The following SOX6 variants were observed in gnomAD, a reference collection of about 807,000 sequenced individuals.
SOX6 encodes SRY-box transcription factor 6.
In SOX6, 11 loss-of-function variants were observed where a neutral mutation model predicts 97.8. The observed-to-expected ratio is 0.11, with a 90% CI of 0.07 to 0.19. The LOEUF (loss-of-function observed/expected upper bound fraction) is 0.19. Ranked by LOEUF, SOX6 falls within the 10% of genes least tolerant of loss-of-function variation. The pLI is 1.00. For missense variants in SOX6, 810 were observed against 1,039.5 expected (o/e 0.78, Z 3.04); for synonymous variants, 360 against 371.4 (o/e 0.97, Z 0.35).
chr11:16,608,483 T>A (rs1357699932), intron 4 of SOX6, among the ~76,000 whole-genome samples: 3 of 147,238 alleles, frequency 2.0e-5, no homozygotes, highest in Non-Finnish European at 4.5e-5. Flanking sequence ...AAAGAAGTAG[T>A]CAAAAGAGAG....
intron 2 of SOX6, among the ~76,000 whole-genome samples, chr11:16,331,038 C>CA (rs1213494053): frequency 4.6e-5 from 7 of 152,174 alleles, no homozygotes; most frequent in South Asian, 2.1e-4. Context: ...TTACAGAGCA[C>CA]ATTTCTATGC....
intron 9 of SOX6, among the ~76,000 whole-genome samples, chr11:16,078,540 A>G (rs1350786641): frequency 6.6e-6 from 1 of 152,184 alleles, no homozygotes; most frequent in Admixed American, 6.5e-5. Flanking sequence ...CAGTCATTCA[A>G]TCAAATATTA....
At chr11:16,600,803 G>T (rs774242764) in intron 4 of SOX6, among the ~76,000 whole-genome samples, 6 of 152,160 alleles carry the variant, frequency 3.9e-5, no homozygotes, top group Admixed American at 6.5e-5. Flanking sequence ...ATGAAAGGAT[G>T]GGAGAGTTTC....
chr11:16,241,682 C>T (rs960338185), intron 3 of SOX6, among the ~76,000 whole-genome samples: 11 of 151,988 alleles, frequency 7.2e-5, no homozygotes, highest in South Asian at 4.2e-4. Flanking sequence ...CACACAAAGA[C>T]AAATTCAATC....
intron 9 of SOX6, among the ~76,000 whole-genome samples, chr11:16,059,638 T>C (rs1432563905): frequency 1.3e-5 from 2 of 152,006 alleles, no homozygotes; most frequent in South Asian, 4.1e-4. Context: ...ATTTTTCTAA[T>C]ATAACAAGCC....
chr11:16,596,871 C>G (rs1306898726), intron 4 of SOX6, among the ~76,000 whole-genome samples: 1 of 152,088 alleles, frequency 6.6e-6, no homozygotes, highest in Non-Finnish European at 1.5e-5. Context: ...TGCTTCTGAT[C>G]AGCATGGTAT....
intron 3 of SOX6, among the ~76,000 whole-genome samples, chr11:16,647,888 C>T (rs894794834): frequency 2.0e-5 from 3 of 152,158 alleles, no homozygotes; most frequent in Non-Finnish European, 4.4e-5. Flanking sequence ...GAAGCCATCC[C>T]TGACTATATC....
At chr11:16,362,986 G>T (rs1337795198) in intron 1 of SOX6, among the ~76,000 whole-genome samples, 1 of 152,088 alleles carries the variant, frequency 6.6e-6, no homozygotes, top group East Asian at 1.9e-4. Context: ...TCCAGATATG[G>T]TCTCACTGTT....
At chr11:16,513,318 G>T (rs1209628409) in intron 4 of SOX6, among the ~76,000 whole-genome samples, 1 of 150,756 alleles carries the variant, frequency 6.6e-6, no homozygotes, top group East Asian at 1.9e-4. Flanking sequence ...CAAAAGAGAG[G>T]GACACAGGGG....
chr11:16,200,875 G>A (rs1426351079), intron 4 of SOX6, among the ~76,000 whole-genome samples: 1 of 152,138 alleles, frequency 6.6e-6, no homozygotes, highest in Non-Finnish European at 1.5e-5. Context: ...GGAGGCTGAG[G>A]CAGGTGGATC....
At chr11:16,025,685 T>G (rs1370967913) in intron 12 of SOX6, among the ~76,000 whole-genome samples, 1 of 152,174 alleles carries the variant, frequency 6.6e-6, no homozygotes. Flanking sequence ...TTTAGAAATA[T>G]AGCTTCCATT....
At chr11:16,386,182 T>C (rs1357368784) in intron 1 of SOX6, among the ~76,000 whole-genome samples, 3 of 152,208 alleles carry the variant, frequency 2.0e-5, no homozygotes, top group Non-Finnish European at 4.4e-5. Context: ...CATGTGGTTT[T>C]GCATTTAGCT....
At chr11:16,291,369 A>G (rs966553473) in intron 3 of SOX6, among the ~76,000 whole-genome samples, 1 of 151,378 alleles carries the variant, frequency 6.6e-6, no homozygotes, top group African/African-American at 2.4e-5. Context: ...GAATGAATAA[A>G]TAAATAAATA....
intron 3 of SOX6, among the ~76,000 whole-genome samples, chr11:16,686,204 T>C (rs1020001853): frequency 3.3e-5 from 5 of 152,270 alleles, no homozygotes; most frequent in African/African-American, 1.2e-4. Flanking sequence ...CATGGTTCCC[T>C]TTTAGTTATG....
chr11:16,017,964 A>T (rs2133866415), intron 12 of SOX6, among the ~76,000 whole-genome samples: 1 of 152,268 alleles, frequency 6.6e-6, no homozygotes, highest in Middle Eastern at 3.4e-3. Flanking sequence ...CAGCAATGTG[A>T]TCAGACACTT....
chr11:16,150,570 G>A (rs1850433495), intron 6 of SOX6, among the ~76,000 whole-genome samples: 2 of 152,108 alleles, frequency 1.3e-5, no homozygotes, highest in African/African-American at 4.8e-5. Flanking sequence ...AAGGAGTCTA[G>A]AACTAGTTCT....
chr11:16,600,564 A>G (rs769566988), intron 4 of SOX6, among the ~76,000 whole-genome samples: 13 of 152,150 alleles, frequency 8.5e-5, no homozygotes, highest in Non-Finnish European at 1.3e-4. Context: ...TTTAAATGAT[A>G]TTCCATTTTA....
At chr11:16,203,214 A>G (rs1389405776) in intron 4 of SOX6, among the ~76,000 whole-genome samples, 2 of 152,078 alleles carry the variant, frequency 1.3e-5, no homozygotes, top group Non-Finnish European at 2.9e-5. Flanking sequence ...TTTTCTTTGG[A>G]ACCAAATTCA....
intron 3 of SOX6, among the ~76,000 whole-genome samples, chr11:16,690,446 T>C (rs1437529552): frequency 6.6e-6 from 1 of 152,244 alleles, no homozygotes; most frequent in Admixed American, 6.5e-5. Flanking sequence ...TTATTCTTGC[T>C]TAGTTCTTTT....
Sources: gnomAD v4.1 joint callset for allele counts (sites outside exome capture counted in the v4.1 genomes callset) on GRCh38, gnomAD v4.1.1 for gene constraint, MANE v1.5 for transcripts, NCBI Gene and HGNC (gene_info 2026-07-23, HGNC 2026-07-21) for gene names.